FNIP2: variants seen among roughly 807,000 people sequenced by gnomAD.
FNIP2 encodes folliculin interacting protein 2.
A neutral mutation model predicts 108.7 loss-of-function variants in FNIP2; 32 were observed. The ratio of observed to expected loss-of-function variants is 0.29; its 90% CI spans 0.22 to 0.40. The LOEUF (loss-of-function observed/expected upper bound fraction) is 0.40. Ranked by LOEUF, FNIP2 falls within the 10% of genes least tolerant of loss-of-function variation. The pLI, the probability that FNIP2 is intolerant of heterozygous loss-of-function variation, is 1.00. For missense variants in FNIP2, 1,202 were observed against 1,381.6 expected (o/e 0.87, Z 2.06); for synonymous variants, 480 against 496.7 (o/e 0.97, Z 0.45).
intron 1 of FNIP2, among the ~76,000 whole-genome samples, chr4:158,790,192 A>G (rs1776366351): frequency 6.6e-6 from 1 of 151,494 alleles, no homozygotes; most frequent in Non-Finnish European, 1.5e-5. Context: ...TGTGTATACA[A>G]ATATTCCAAA....
intron 1 of FNIP2, among the ~76,000 whole-genome samples, chr4:158,771,210 G>C (rs1384783609): frequency 6.6e-6 from 1 of 152,128 alleles, no homozygotes; most frequent in East Asian, 1.9e-4. Flanking sequence ...TACTTGATGA[G>C]GGCCCCCTTC....
At position 158,906,221 on chromosome 4, in the gene FNIP2, G is replaced by C. The variant is rs2126817088; in HGVS notation, c.*1677G>C. On this transcript the variant is annotated 3_prime_UTR_variant, in exon 17 of 17. Coordinates refer to ENST00000264433, the MANE Select transcript of FNIP2 (RefSeq NM_020840.3). ...CATCATTGTTTGCTGTTGTGTTACA[G>C]AGAGAGAAGGAACCTCACCTGTGGC... is the stretch of plus-strand genomic sequence containing the variant. The C allele has an allele frequency of 6.6e-6, 1 of 152,304 alleles. No homozygotes were observed. The highest frequency in any genetic ancestry group is 1.5e-5 in the Non-Finnish European group (1 of 68,026). The allele number at this position is 152,304 out of a possible 1,614,324, so 9.4% of individuals were successfully genotyped here.
chr4:158,876,346 C>G (rs1277571313), intron 14 of FNIP2, among the ~76,000 whole-genome samples: 1 of 152,202 alleles, frequency 6.6e-6, no homozygotes, highest in African/African-American at 2.4e-5. Flanking sequence ...TTCTAAGAGA[C>G]TAAACTGTAA....
chr4:158,864,570 T>C (rs1780475595), intron 12 of FNIP2, among the ~76,000 whole-genome samples: 1 of 152,102 alleles, frequency 6.6e-6, no homozygotes, highest in East Asian at 1.9e-4. Context: ...TTCTCCTGGT[T>C]TATTTTTGTT....
rs960227318 is a variant in FNIP2 at position 158,907,845 on chromosome 4, A to AAACTT, written c.*3304_*3308dup. ...TTGAAAGTGAGATTGCAATATGCTT[A>AAACTT]AACTTAAGTGGTATTTCAAAAACGA... On this transcript the variant is annotated 3_prime_UTR_variant, in exon 17 of 17. Coordinates refer to ENST00000264433, the MANE Select transcript of FNIP2 (RefSeq NM_020840.3). 2.0e-5 allele frequency: 3 copies of AAACTT among 152,218 alleles called. No homozygotes were observed. Among genetic ancestry groups the AAACTT allele is most frequent in the Admixed American group, 6.5e-5 (1 of 15,282 alleles). 9.4% of individuals were successfully genotyped at this position (152,218 alleles called of 1,614,324 possible).
intron 1 of FNIP2, among the ~76,000 whole-genome samples, chr4:158,795,145 C>T (rs1365403908): frequency 6.6e-6 from 1 of 152,162 alleles, no homozygotes; most frequent in Admixed American, 6.5e-5. Flanking sequence ...TTTAAATGTG[C>T]AGTTCTTTCT....
chr4:158,773,619 A>G (rs893046321), intron 1 of FNIP2, among the ~76,000 whole-genome samples: 1 of 152,196 alleles, frequency 6.6e-6, no homozygotes, highest in African/African-American at 2.4e-5. Flanking sequence ...GGAGTTCAGT[A>G]TTATTCCTGT....
intron 7 of FNIP2, among the ~76,000 whole-genome samples, chr4:158,838,959 G>A (rs1292226458): frequency 6.6e-6 from 1 of 152,176 alleles, no homozygotes; most frequent in Non-Finnish European, 1.5e-5. Flanking sequence ...TTACACTGAG[G>A]TTGTGGGTTT....
chr4:158,899,787 C>A (rs867939583), intron 16 of FNIP2, among the ~76,000 whole-genome samples: 3 of 151,866 alleles, frequency 2.0e-5, no homozygotes, highest in African/African-American at 4.8e-5. Context: ...TTGATCTTTT[C>A]AAAAAACCAG....
At chr4:158,834,331 C>CTCTCTCTCTCTCTCTCTCTCTCT (rs1553959318) in intron 6 of FNIP2, 2 of 36,818 alleles carry the variant, frequency 5.4e-5, no homozygotes, top group Non-Finnish European at 5.6e-5. Context: ...TCTCTCTCTC[C>CTCTCTCTCTCTCTCTCTCTCTCT]CTCTCTAAGT....
At chr4:158,879,773 G>C (rs1241482884) in intron 14 of FNIP2, among the ~76,000 whole-genome samples, 1 of 150,324 alleles carries the variant, frequency 6.7e-6, no homozygotes, top group Non-Finnish European at 1.5e-5. Context: ...CCATCAAAAA[G>C]TGGGCAAAGG....
intron 12 of FNIP2, among the ~76,000 whole-genome samples, chr4:158,863,878 C>T (rs951157254): frequency 6.6e-6 from 1 of 152,072 alleles, no homozygotes; most frequent in African/African-American, 2.4e-5. Context: ...CTTTTCTACC[C>T]AAAAGAGATT....
intron 1 of FNIP2, among the ~76,000 whole-genome samples, chr4:158,807,427 C>G (rs1777029197): frequency 6.6e-6 from 1 of 152,134 alleles, no homozygotes; most frequent in Non-Finnish European, 1.5e-5. Flanking sequence ...CGCTTGAGCC[C>G]AGGAGTTGTA....
chr4:158,887,726 G>A, intron 14 of FNIP2, among the ~76,000 whole-genome samples: 1 of 84,544 alleles, frequency 1.2e-5, no homozygotes. Context: ...GACAAAGTGA[G>A]ACTCTGTCTC....
chr4:158,883,708 G>A (rs549604949), intron 14 of FNIP2, among the ~76,000 whole-genome samples: 1 of 152,252 alleles, frequency 6.6e-6, no homozygotes, highest in South Asian at 2.1e-4. Flanking sequence ...GATTGATAAA[G>A]GGTCAGTGTC....
chr4:158,814,508 C>T (rs1360900740), intron 1 of FNIP2, among the ~76,000 whole-genome samples: 1 of 152,174 alleles, frequency 6.6e-6, no homozygotes, highest in African/African-American at 2.4e-5. Context: ...ATGCAAACAC[C>T]AGACCTTCTG....
intron 1 of FNIP2, among the ~76,000 whole-genome samples, chr4:158,801,980 A>T (rs1776778973): frequency 6.6e-6 from 1 of 152,198 alleles, no homozygotes; most frequent in Non-Finnish European, 1.5e-5. Context: ...CTGCTTCAAA[A>T]AAGCTTGCAC....
intron 14 of FNIP2, among the ~76,000 whole-genome samples, chr4:158,870,789 T>C (rs1190435433): frequency 2.0e-5 from 3 of 152,208 alleles, no homozygotes; most frequent in Non-Finnish European, 4.4e-5. Context: ...CTCCTCCCAT[T>C]CTCTGGTCTC....
At chr4:158,871,132 G>C (rs1780923309) in intron 14 of FNIP2, among the ~76,000 whole-genome samples, 1 of 152,172 alleles carries the variant, frequency 6.6e-6, no homozygotes, top group African/African-American at 2.4e-5. Context: ...GGCTGCATGA[G>C]GATGACTGTA....
Sources: gnomAD v4.1 joint callset for allele counts (sites outside exome capture counted in the v4.1 genomes callset) on GRCh38, gnomAD v4.1.1 for gene constraint, MANE v1.5 for transcripts, NCBI Gene and HGNC (gene_info 2026-07-23, HGNC 2026-07-21) for gene names.